The following CLSPN variants were observed in gnomAD, a reference collection of about 807,000 sequenced individuals.
CLSPN encodes claspin homolog.
CLSPN carries 85 observed loss-of-function variants against 156.3 expected under a neutral mutation model. That is an observed-to-expected ratio of 0.54 (90% CI 0.46 to 0.65). CLSPN has a LOEUF of 0.65. Among genes scored for constraint, CLSPN ranks in the 30% least tolerant of loss-of-function variants. CLSPN has a pLI of 0.00. For synonymous variants in CLSPN, 534 were observed against 542.4 expected (o/e 0.98, Z 0.22); for missense variants, 1,407 against 1,554.9 (o/e 0.90, Z 1.60).
intron 18 of CLSPN, among the ~76,000 whole-genome samples, chr1:35,741,738 G>C (rs1032961554): frequency 2.6e-5 from 4 of 151,740 alleles, no homozygotes; most frequent in Non-Finnish European, 5.9e-5. Context: ...ATGTTGGAAG[G>C]CCAAGGCGGG....
chr1:35,747,140 G>A, intron 14 of CLSPN, 148 bp from the exon 15 acceptor site: 2 of 602,234 alleles, frequency 3.3e-6, no homozygotes, highest in Non-Finnish European at 2.9e-6. Flanking sequence ...GGCTAACATG[G>A]TGAAACCCCG....
chr1:35,728,092 T>C (rs1240939816), downstream of CLSPN, among the ~76,000 whole-genome samples: 1 of 149,642 alleles, frequency 6.7e-6, no homozygotes, highest in South Asian at 2.2e-4. Flanking sequence ...TTTTTTTTTT[T>C]TTTTTTCTTT....
At position 35,732,407 on chromosome 1, in the gene CLSPN, A is replaced by T. The variant is rs1036107383; in HGVS notation, c.*4089T>A. 2 of 985,228 alleles carry T rather than the reference A, an allele frequency of 2.0e-6. No individual in the cohort carries two copies. Among genetic ancestry groups the T allele is most frequent in the African/African-American group, 3.5e-5 (2 of 57,208 alleles). 61.0% of individuals were successfully genotyped at this position (985,228 alleles called of 1,614,324 possible). ...CATTAGAAACTCTCAAAGTGAGGAG[A>T]AGTTTGTAGAGAAGCAGTTGAGAAA... On this transcript the variant is annotated 3_prime_UTR_variant, in exon 25 of 25. Coordinates refer to ENST00000318121, the MANE Select transcript of CLSPN (RefSeq NM_022111.4).
chr1:35,756,768 T>A (rs1214087449), intron 8 of CLSPN, among the ~76,000 whole-genome samples: 2 of 152,218 alleles, frequency 1.3e-5, no homozygotes, highest in Non-Finnish European at 2.9e-5. Context: ...GAAACCTTAT[T>A]CTATATGAGG....
intron 9 of CLSPN, among the ~76,000 whole-genome samples, chr1:35,753,511 T>C (rs910904308): frequency 7.3e-5 from 11 of 150,326 alleles, no homozygotes; most frequent in Non-Finnish European, 1.5e-4. Context: ...TATATATTTG[T>C]CTATAATGGG....
At chr1:35,762,355 C>T in intron 5 of CLSPN, 49 bp downstream of exon 5, 1 of 1,395,918 alleles carries the variant, frequency 7.2e-7, no homozygotes, top group Non-Finnish European at 1.0e-6. Flanking sequence ...AATCTATAAT[C>T]TCCTGTGTAA....
In CLSPN at chr1:35,732,785, G is replaced by C; in HGVS notation, c.*3711C>G. The C allele has an allele frequency of 1.0e-6, 1 of 985,266 alleles. No individual in the cohort carries two copies. The highest frequency in any genetic ancestry group is 1.2e-6 in the Non-Finnish European group (1 of 829,902). The allele number at this position is 985,266 out of a possible 1,614,324, so 61.0% of individuals were successfully genotyped here. A position where few individuals can be genotyped will look rare whatever the true frequency, so the allele number is the denominator to read the frequency against. On this transcript the variant is annotated 3_prime_UTR_variant, in exon 25 of 25. Coordinates refer to ENST00000318121, the MANE Select transcript of CLSPN (RefSeq NM_022111.4). ...ACTGATGCTGCTGGCTCAGTGCTTT[G>C]GGCAAAGGGCATATGGGTCAGATTG... is the stretch of plus-strand genomic sequence containing the variant.
chr1:35,726,024 G>C (rs1188477908), intron 24 of CLSPN, among the ~76,000 whole-genome samples: 2 of 151,844 alleles, frequency 1.3e-5, no homozygotes, highest in Non-Finnish European at 2.9e-5. Flanking sequence ...CTACATTACG[G>C]GAGGCCTTAA....
At chr1:35,738,976 CT>C (rs1641588134) in intron 20 of CLSPN, among the ~76,000 whole-genome samples, 159 bp downstream of exon 20, 1 of 151,926 alleles carries the variant, frequency 6.6e-6, no homozygotes, top group Admixed American at 6.6e-5. Context: ...AATTTTTGAA[CT>C]TTTAGTAGGG....
In CLSPN at chr1:35,749,692, G is replaced by C; in HGVS notation, c.2148C>G (p.Pro716=). 6.2e-7 allele frequency: 1 copy of C among 1,614,046 alleles called. No individual in the cohort carries two copies. The highest frequency in any genetic ancestry group is 8.5e-7 in the Non-Finnish European group (1 of 1,179,970). ...IGKAVGFLSV[P]KSLSSDSTLL... ...AAGTAGAATCTGATGAGAGAGACTT[G>C]GGAACAGAGAGGAAGCCAACTGCCT... Residue 716 remains proline, a synonymous_variant, in exon 11 of 25, where the codon CCC becomes CCG. Transcript: ENST00000318121.
chr1:35,761,354 C>T, intron 6 of CLSPN, 150 bp from the exon 7 acceptor site: 1 of 504,202 alleles, frequency 2.0e-6, no homozygotes, highest in Non-Finnish European at 3.4e-6. Flanking sequence ...TACAAAAAAG[C>T]TCCCTGAAGA....
In CLSPN at chr1:35,733,661, C is replaced by G. The variant is rs1292221080; in HGVS notation, c.*2835G>C. 1 of 985,276 alleles carries G rather than the reference C, an allele frequency of 1.0e-6. No homozygotes were observed. Among genetic ancestry groups the G allele is most frequent in the Non-Finnish European group, 1.2e-6 (1 of 829,940 alleles). 61.0% of individuals were successfully genotyped at this position (985,276 alleles called of 1,614,324 possible). ...ATGGATAAAATGAAGTACATACAAA[C>G]TTAGCTAAAGAGAAAGGCCAATCAA... On this transcript the variant is annotated 3_prime_UTR_variant, in exon 25 of 25. Transcript: ENST00000318121.
At position 35,733,518 on chromosome 1, in the gene CLSPN, A is replaced by G. The variant is rs936041699; in HGVS notation, c.*2978T>C. 1 of 985,246 alleles carries G rather than the reference A, an allele frequency of 1.0e-6. No individual in the cohort carries two copies. Among genetic ancestry groups the G allele is most frequent in the Non-Finnish European group, 1.2e-6 (1 of 829,870 alleles). The allele number at this position is 985,246 out of a possible 1,614,324, so 61.0% of individuals were successfully genotyped here. ...TCCTCAAAAGACATGTAGGGAAACA[A>G]GAGGGAAGAAATATCTAGCCTTCCT... On this transcript the variant is annotated 3_prime_UTR_variant, in exon 25 of 25. Coordinates refer to ENST00000318121, the MANE Select transcript of CLSPN (RefSeq NM_022111.4).
chr1:35,726,152 C>CGAAAAAAAAAAAA (rs1641182508), intron 24 of CLSPN, among the ~76,000 whole-genome samples: 1 of 48,190 alleles, frequency 2.1e-5, no homozygotes, highest in Non-Finnish European at 3.7e-5. Context: ...CAGATGCAGA[C>CGAAAAAAAAAAAA]AAAAAAAAAA....
chr1:35,752,097 A>G (rs1459505551), intron 9 of CLSPN, among the ~76,000 whole-genome samples: 2 of 152,180 alleles, frequency 1.3e-5, no homozygotes, highest in Admixed American at 1.3e-4. Flanking sequence ...TATATATCAA[A>G]ATGTGATATA....
At chr1:35,759,995 G>A (rs755128091) in intron 8 of CLSPN, among the ~76,000 whole-genome samples, 2 of 151,948 alleles carry the variant, frequency 1.3e-5, no homozygotes, top group South Asian at 2.1e-4. Flanking sequence ...CACCATGCCC[G>A]GCTAATTTTT....
chr1:35,760,739 A>T lies in CLSPN; in HGVS notation c.1182T>A (p.Asp394Glu). 1 of 1,614,048 alleles carries T rather than the reference A, an allele frequency of 6.2e-7. No homozygotes were observed. The highest frequency in any genetic ancestry group is 8.5e-7 in the Non-Finnish European group (1 of 1,180,044). Residue 394 changes from aspartate (D) to glutamate (E), a missense_variant, in exon 8 of 25, where the codon GAT becomes GAA. Asp to Glu is a conservative substitution (Grantham distance 45, BLOSUM62 2). Coordinates refer to ENST00000318121, the MANE Select transcript of CLSPN (RefSeq NM_022111.4). ...TTACCAAATCCTTCCTGCAAGACTC[A>T]TCTGATCCAGTAATGATCTGGGTTT... ...SKETQIITGS[D>E]ESCRKDLVKN...
intron 1 of CLSPN, among the ~76,000 whole-genome samples, chr1:35,767,162 CG>C (rs1034662718): frequency 1.3e-5 from 2 of 152,006 alleles, no homozygotes; most frequent in African/African-American, 4.8e-5. Flanking sequence ...ATGCCAACTT[CG>C]GATGATGATT....
intron 8 of CLSPN, among the ~76,000 whole-genome samples, chr1:35,758,877 T>C (rs1394272061): frequency 6.6e-6 from 1 of 151,710 alleles, no homozygotes; most frequent in Non-Finnish European, 1.5e-5. Context: ...AGTGACCCTC[T>C]TGTGCCTCAG....
Sources: gnomAD v4.1 joint callset for allele counts (sites outside exome capture counted in the v4.1 genomes callset) on GRCh38, gnomAD v4.1.1 for gene constraint, MANE v1.5 for transcripts, NCBI Gene and HGNC (gene_info 2026-07-23, HGNC 2026-07-21) for gene names.